WWOX: variants seen among roughly 807,000 people sequenced by gnomAD.
WWOX encodes the protein WW domain-containing oxidoreductase.
WWOX carries 69 observed loss-of-function variants against 46.2 expected under a neutral mutation model. The observed-to-expected ratio is 1.49, with a 90% confidence interval of 1.23 to 1.82. The LOEUF (loss-of-function observed/expected upper bound fraction) is 1.82. Among genes scored for constraint, WWOX ranks in the 40% most tolerant of loss-of-function variants. WWOX has a pLI of 0.00. For missense variants in WWOX, 919 were observed against 542.6 expected (o/e 1.69, Z -6.89); for synonymous variants, 359 against 202.6 (o/e 1.77, Z -6.56).
intron 8 of WWOX, among the ~76,000 whole-genome samples, chr16:78,613,158 C>A (rs765993188): frequency 6.6e-6 from 1 of 152,138 alleles, no homozygotes; most frequent in East Asian, 1.9e-4. Context: ...AGTGAGGACT[C>A]CCCTCCATGC....
At chr16:78,827,113 C>T (rs1259978144) in intron 8 of WWOX, among the ~76,000 whole-genome samples, 1 of 152,128 alleles carries the variant, frequency 6.6e-6, no homozygotes, top group South Asian at 2.1e-4. Context: ...CTCCAGAACT[C>T]CAGGATGCCT....
chr16:78,105,353 T>A (rs1316705479), intron 1 of WWOX, among the ~76,000 whole-genome samples: 1 of 151,918 alleles, frequency 6.6e-6, no homozygotes, highest in East Asian at 1.9e-4. Context: ...TCCTAGCTAC[T>A]CAGGCTGAGG....
At chr16:78,892,384 C>G (rs967010928) in intron 8 of WWOX, 2 of 152,202 alleles carry the variant, frequency 1.3e-5, no homozygotes, top group African/African-American at 4.8e-5. Flanking sequence ...TGATGAGATG[C>G]CTTCGAGAAA....
At chr16:78,275,652 C>G (rs960721223) in intron 5 of WWOX, among the ~76,000 whole-genome samples, 1 of 152,204 alleles carries the variant, frequency 6.6e-6, no homozygotes, top group African/African-American at 2.4e-5. Context: ...GTCACGTGTT[C>G]TGCCCACATG....
intron 8 of WWOX, among the ~76,000 whole-genome samples, chr16:78,943,178 A>G (rs552929664): frequency 3.3e-5 from 5 of 152,150 alleles, no homozygotes; most frequent in East Asian, 3.9e-4. Flanking sequence ...AGTGCTTTCT[A>G]TATGATGTAC....
intron 8 of WWOX, among the ~76,000 whole-genome samples, chr16:78,513,902 C>G (rs376312606): frequency 1.2e-4 from 18 of 146,614 alleles, no homozygotes; most frequent in Non-Finnish European, 2.4e-4. Flanking sequence ...ACTCCCCCCC[C>G]CCCCACTTGT....
intron 4 of WWOX, among the ~76,000 whole-genome samples, chr16:78,141,025 T>G (rs1452476165): frequency 6.6e-6 from 1 of 152,218 alleles, no homozygotes; most frequent in African/African-American, 2.4e-5. Context: ...GCAGCTTACT[T>G]TCTTATGGAG....
At chr16:78,504,562 A>G (rs971520772) in intron 8 of WWOX, among the ~76,000 whole-genome samples, 1 of 152,254 alleles carries the variant, frequency 6.6e-6, no homozygotes, top group Non-Finnish European at 1.5e-5. Context: ...AGACTGGCTC[A>G]TTCCAGAAGT....
At chr16:78,489,235 G>A (rs2084716428) in intron 8 of WWOX, among the ~76,000 whole-genome samples, 1 of 152,156 alleles carries the variant, frequency 6.6e-6, no homozygotes, top group Non-Finnish European at 1.5e-5. Flanking sequence ...TAGGTCAAGT[G>A]AGGTTGGCAG....
chr16:78,432,390 G>A (rs2083242581), intron 7 of WWOX, 98 bp from the exon 8 acceptor site: 3 of 1,506,130 alleles, frequency 2.0e-6, no homozygotes, highest in East Asian at 2.3e-5. Flanking sequence ...ACAGATGTGA[G>A]CCACTGCACC....
chr16:78,852,331 G>C (rs2052464919), intron 8 of WWOX, among the ~76,000 whole-genome samples: 2 of 152,146 alleles, frequency 1.3e-5, no homozygotes, highest in Admixed American at 1.3e-4. Context: ...CTGAAGCTAG[G>C]TGACAAAATA....
chr16:79,170,853 C>T (rs920511764), intron 8 of WWOX, among the ~76,000 whole-genome samples: 5 of 152,180 alleles, frequency 3.3e-5, no homozygotes, highest in Non-Finnish European at 4.4e-5. Flanking sequence ...GGTGATAGCT[C>T]GTGATTCTTC....
chr16:78,869,184 A>G (rs1354521925), intron 8 of WWOX, among the ~76,000 whole-genome samples: 3 of 152,188 alleles, frequency 2.0e-5, no homozygotes, highest in African/African-American at 7.2e-5. Flanking sequence ...CAGCTGACTT[A>G]TTCATGTTCT....
At chr16:79,116,576 C>T (rs2049520040) in intron 8 of WWOX, among the ~76,000 whole-genome samples, 1 of 152,122 alleles carries the variant, frequency 6.6e-6, no homozygotes, top group African/African-American at 2.4e-5. Flanking sequence ...CATGAGATTG[C>T]AGCAATTTAG....
Position 78,477,263 on chromosome 16 carries a change from TATTG to T in WWOX, c.1056+44515_1056+44518del, listed in dbSNP as rs554864359. ...GGATGATCTTCTAGTCTAGATTACC[TATTG>T]ATTTTTAATATGAAAAGCTCATTAT... On this transcript the variant is annotated intron_variant, in intron 8 of 8. Coordinates refer to ENST00000566780, the MANE Select transcript of WWOX (RefSeq NM_016373.4). 3.0e-4 allele frequency among the ~76,000 whole-genome samples: 45 copies of T among 152,328 alleles called. No individual in the cohort carries two copies. In the East Asian group the frequency reaches 8.5e-3, roughly 29 times the overall value.
chr16:78,280,758 C>T (rs1028865056), intron 5 of WWOX: 1 of 152,186 alleles, frequency 6.6e-6, no homozygotes, highest in African/African-American at 2.4e-5. Context: ...CATAAACATG[C>T]TCTTTGAAGC....
chr16:78,599,757 G>T (rs556463902), intron 8 of WWOX, among the ~76,000 whole-genome samples: 3 of 152,244 alleles, frequency 2.0e-5, no homozygotes, highest in South Asian at 4.1e-4. Context: ...TTACCCCCGG[G>T]AGACTGGGGG....
chr16:79,129,831 G>A (rs1040902262), intron 8 of WWOX, among the ~76,000 whole-genome samples: 1 of 152,176 alleles, frequency 6.6e-6, no homozygotes, highest in Admixed American at 6.5e-5. Flanking sequence ...GAAGGAGGGT[G>A]ACAGCCTGGG....
chr16:78,549,474 C>T lies in WWOX; in HGVS notation c.1056+116722C>T, dbSNP rs190775225. ...GGGTTTCCCATTCAGTCATGATATG[C>T]GGTTCAGAGAAAGTTGGATCGACCA... is the stretch of plus-strand genomic sequence containing the variant. On this transcript the variant is annotated intron_variant, in intron 8 of 8. Coordinates refer to ENST00000566780, the MANE Select transcript of WWOX (RefSeq NM_016373.4). Among the ~76,000 whole-genome samples, 222 of 152,232 alleles carry T rather than the reference C, an allele frequency of 1.5e-3. 2 individuals carry two copies. The highest frequency in any genetic ancestry group is 2.4e-3 in the Admixed American group (37 of 15,300).
Sources: allele counts gnomAD v4.1 joint callset (sites outside exome capture counted in the v4.1 genomes callset), GRCh38; gene constraint gnomAD v4.1.1; transcripts MANE v1.5; gene names NCBI Gene and HGNC (gene_info 2026-07-23, HGNC 2026-07-21).